WWOX: variants seen among roughly 807,000 people sequenced by gnomAD.
The protein encoded by WWOX is WW domain-containing oxidoreductase.
A neutral mutation model predicts 46.2 loss-of-function variants in WWOX; 69 were observed. That is an observed-to-expected ratio of 1.49 (90% CI 1.23 to 1.82). The LOEUF is 1.82. Among genes scored for constraint, WWOX ranks in the 40% most tolerant of loss-of-function variants. WWOX has a pLI of 0.00. For synonymous variants in WWOX, 359 were observed against 202.6 expected, an observed-to-expected ratio of 1.77 and a Z score of -6.56; for missense variants, 919 against 542.6, an observed-to-expected ratio of 1.69 and a Z score of -6.89.
At chr16:78,946,969 G>T (rs748953815) in intron 8 of WWOX, among the ~76,000 whole-genome samples, 1 of 152,090 alleles carries the variant, frequency 6.6e-6, no homozygotes, top group Non-Finnish European at 1.5e-5. Context: ...GGTATCGCAC[G>T]CAGGCATTAA....
intron 5 of WWOX, among the ~76,000 whole-genome samples, chr16:78,248,603 G>A (rs2037891590): frequency 6.6e-6 from 1 of 152,002 alleles, no homozygotes; most frequent in Admixed American, 6.6e-5. Flanking sequence ...AGGCGTGGCG[G>A]CACATACCTG....
intron 8 of WWOX, among the ~76,000 whole-genome samples, chr16:78,998,407 G>T (rs77738403): frequency 0.011 from 1,629 of 152,252 alleles, 29 homozygotes; most frequent in African/African-American, 0.037. Context: ...CTTCACAGAA[G>T]ATGCTCCACA....
At chr16:78,468,715 A>G (rs2084146218) in intron 8 of WWOX, among the ~76,000 whole-genome samples, 1 of 152,198 alleles carries the variant, frequency 6.6e-6, no homozygotes, top group Non-Finnish European at 1.5e-5. Flanking sequence ...TCCTGTCTGC[A>G]AAGGAGGGAT....
At chr16:78,875,185 C>T (rs1210321538) in intron 8 of WWOX, among the ~76,000 whole-genome samples, 4 of 152,180 alleles carry the variant, frequency 2.6e-5, no homozygotes, top group Non-Finnish European at 4.4e-5. Context: ...GAGATTAAGC[C>T]GCTGAAACCT....
intron 8 of WWOX, among the ~76,000 whole-genome samples, chr16:78,489,619 A>T (rs2084729105): frequency 6.6e-6 from 1 of 152,146 alleles, no homozygotes; most frequent in Non-Finnish European, 1.5e-5. Flanking sequence ...AGAACCTTCT[A>T]ACTCTATTTC....
intron 8 of WWOX, among the ~76,000 whole-genome samples, chr16:78,809,561 A>G (rs1888466476): frequency 6.6e-6 from 1 of 152,242 alleles, no homozygotes; most frequent in Non-Finnish European, 1.5e-5. Flanking sequence ...GGTAGAAGTT[A>G]GCCTTTATTT....
At chr16:78,563,480 C>T (rs1020358408) in intron 8 of WWOX, among the ~76,000 whole-genome samples, 2 of 145,342 alleles carry the variant, frequency 1.4e-5, no homozygotes, top group Non-Finnish European at 3.0e-5. Context: ...TACGGGCACT[C>T]GTGTGGGTGA....
intron 5 of WWOX, among the ~76,000 whole-genome samples, chr16:78,317,041 G>A (rs552214695): frequency 9.9e-5 from 15 of 152,216 alleles, no homozygotes; most frequent in African/African-American, 3.4e-4. Flanking sequence ...CAAAGGTGAA[G>A]CCTGCACAGT....
chr16:78,100,083 G>T (rs2031659256), intron 1 of WWOX, 198 bp downstream of exon 1: 2 of 1,385,050 alleles, frequency 1.4e-6, no homozygotes, highest in African/African-American at 3.1e-5. Flanking sequence ...GTCCAGCGGG[G>T]GTCACCTGGT....
intron 8 of WWOX, among the ~76,000 whole-genome samples, chr16:78,935,749 G>A (rs543967841): frequency 6.6e-6 from 1 of 151,538 alleles, no homozygotes; most frequent in African/African-American, 2.4e-5. Context: ...AGAACTTAAA[G>A]TATAAAAAAA....
rs547994581 is a variant in WWOX at position 79,114,866 on chromosome 16, G to A, written c.1057-96742G>A. Among the ~76,000 whole-genome samples the A allele has an allele frequency of 3.3e-4, 51 of 152,326 alleles. No individual in the cohort carries two copies. The South Asian group carries it at 7.7e-3, about 23-fold the overall frequency. On this transcript the variant is annotated intron_variant, in intron 8 of 8. Coordinates refer to ENST00000566780, the MANE Select transcript of WWOX (RefSeq NM_016373.4). ...TGGCCTGCTGCTGCCTTTAATGGGCGTAGATGTTGTTGTTCATGTTTCCCA... is the reference window on the plus strand; with the variant it reads ...TGGCCTGCTGCTGCCTTTAATGGGCATAGATGTTGTTGTTCATGTTTCCCA...
At chr16:78,376,763 G>C (rs903463884) in intron 5 of WWOX, among the ~76,000 whole-genome samples, 1 of 152,160 alleles carries the variant, frequency 6.6e-6, no homozygotes, top group Non-Finnish European at 1.5e-5. Context: ...CTAGCAGTTA[G>C]AATGGCCTCT....
At chr16:78,628,721 T>A (rs528804386) in intron 8 of WWOX, among the ~76,000 whole-genome samples, 36 of 152,302 alleles carry the variant, frequency 2.4e-4, no homozygotes, top group African/African-American at 8.7e-4. Flanking sequence ...TTTCACTGTT[T>A]TAAATTCAGG....
chr16:78,404,767 C>T (rs1447186816), intron 6 of WWOX, among the ~76,000 whole-genome samples: 2 of 152,158 alleles, frequency 1.3e-5, no homozygotes, highest in East Asian at 3.9e-4. Context: ...TCCCGACCAG[C>T]CCCCATCCTT....
intron 5 of WWOX, chr16:78,166,691 C>T (rs78752123): frequency 0.13 from 20,494 of 151,878 alleles, 1,567 homozygotes; most frequent in South Asian, 0.19. Context: ...CCCGAGTAGC[C>T]GGGACTACAG....
chr16:78,745,893 C>T lies in WWOX; in HGVS notation c.1056+313141C>T, dbSNP rs1055058452. 2.0e-5 allele frequency among the ~76,000 whole-genome samples: 3 copies of T among 151,960 alleles called. No homozygotes were observed. In the East Asian group the frequency reaches 5.8e-4, roughly 29 times the overall value. ...GCACATTGTATTTTAATACTAGGAA[C>T]GTGTGCATGCCAGAAACCTGCCAAG... On this transcript the variant is annotated intron_variant, in intron 8 of 8. Transcript: ENST00000566780.
At chr16:79,146,748 T>C (rs898726485) in intron 8 of WWOX, among the ~76,000 whole-genome samples, 2 of 152,122 alleles carry the variant, frequency 1.3e-5, no homozygotes, top group Non-Finnish European at 2.9e-5. Flanking sequence ...GGTCCTCGCC[T>C]TCAAGGAGCT....
rs979639465 is a variant in WWOX, at chr16:78,259,616, C to A, written c.516+95327C>A. Among the ~76,000 whole-genome samples, 5 of 151,686 alleles carry A rather than the reference C, an allele frequency of 3.3e-5. No individual in the cohort carries two copies. In the Middle Eastern group the frequency reaches 0.01, roughly 310 times the overall value. On this transcript the variant is annotated intron_variant, in intron 5 of 8. Coordinates refer to ENST00000566780, the MANE Select transcript of WWOX (RefSeq NM_016373.4). Reference sequence around the variant, plus strand: ...TACAGGCATGAGCCACCATGTTCGACCCCATTTTTATAAATGTAAAATTAA... The same window carrying A: ...TACAGGCATGAGCCACCATGTTCGAACCCATTTTTATAAATGTAAAATTAA...
chr16:79,010,497 G>A (rs1441567050), intron 8 of WWOX, among the ~76,000 whole-genome samples: 1 of 152,168 alleles, frequency 6.6e-6, no homozygotes. Context: ...TCCAGGCCCT[G>A]GGGATCCCCC....
Sources: allele counts gnomAD v4.1 joint callset (sites outside exome capture counted in the v4.1 genomes callset), GRCh38; gene constraint gnomAD v4.1.1; transcripts MANE v1.5; gene names NCBI Gene and HGNC (gene_info 2026-07-23, HGNC 2026-07-21).